The following TUSC3 variants were observed in gnomAD, a reference collection of about 807,000 sequenced individuals.
TUSC3 encodes dolichyl-diphosphooligosaccharide--protein glycosyltransferase subunit TUSC3.
A neutral mutation model predicts 44.8 loss-of-function variants in TUSC3; 45 were observed. The observed-to-expected ratio is 1.00, with a 90% CI of 0.79 to 1.29. The LOEUF (loss-of-function observed/expected upper bound fraction) is 1.29. Among genes scored for constraint, TUSC3 ranks in the 50% most tolerant of loss-of-function variants. The probability of loss-of-function intolerance (pLI) is 0.00; values close to 1 mark genes in which losing one functional copy is unlikely to be tolerated. For synonymous variants in TUSC3, 212 were observed against 152.9 expected (o/e 1.39, Z -2.85); for missense variants, 519 against 437.9 (o/e 1.19, Z -1.65).
intron 1 of TUSC3, among the ~76,000 whole-genome samples, chr8:15,619,775 G>C (rs539203910): frequency 6.6e-6 from 1 of 152,166 alleles, no homozygotes; most frequent in African/African-American, 2.4e-5. Context: ...CTCCCAAAGT[G>C]CTGGGATTAC....
upstream of TUSC3, among the ~76,000 whole-genome samples, chr8:15,535,888 G>C (rs1276973542): frequency 6.6e-6 from 1 of 152,138 alleles, no homozygotes; most frequent in East Asian, 1.9e-4. Context: ...CATCTATCAT[G>C]GTCAAACTTG....
chr8:15,432,670 A>G (rs571429730), intron 1 of TUSC3, among the ~76,000 whole-genome samples: 7 of 152,080 alleles, frequency 4.6e-5, no homozygotes, highest in Admixed American at 2.6e-4. Flanking sequence ...CTGTAGTGCT[A>G]TGGTTATGTC....
chr8:15,619,935 A>T (rs1046053565), intron 1 of TUSC3, among the ~76,000 whole-genome samples: 1 of 152,152 alleles, frequency 6.6e-6, no homozygotes, highest in African/African-American at 2.4e-5. Flanking sequence ...AAATGACTCA[A>T]TTTTGCCAGA....
chr8:15,666,381 C>T (rs988350706), intron 5 of TUSC3, among the ~76,000 whole-genome samples: 19 of 151,512 alleles, frequency 1.3e-4, no homozygotes, highest in African/African-American at 4.1e-4. Context: ...CCTTTTAATA[C>T]TGTGTATTGT....
chr8:15,625,566 C>T (rs1805465875), intron 2 of TUSC3, among the ~76,000 whole-genome samples: 2 of 152,154 alleles, frequency 1.3e-5, no homozygotes, highest in Admixed American at 6.5e-5. Context: ...AACACATGTT[C>T]AAGAGCAAAC....
the TUSC3 span, among the ~76,000 whole-genome samples, chr8:15,838,375 T>C: frequency 6.6e-6 from 1 of 152,280 alleles, no homozygotes; most frequent in African/African-American, 2.4e-5. Context: ...TCTATTTTAA[T>C]AAAGTCATAA....
At chr8:15,719,856 A>G (rs2129203541) in intron 6 of TUSC3, among the ~76,000 whole-genome samples, 1 of 152,238 alleles carries the variant, frequency 6.6e-6, no homozygotes, top group African/African-American at 2.4e-5. Context: ...ATGGAGCCAG[A>G]GATCCAAATC....
At chr8:15,631,734 C>T (rs573427804) in intron 2 of TUSC3, among the ~76,000 whole-genome samples, 4 of 151,092 alleles carry the variant, frequency 2.6e-5, no homozygotes, top group African/African-American at 9.7e-5. Flanking sequence ...AAGACACAGT[C>T]TTGCTGTGTC....
At chr8:15,808,590 C>T in the TUSC3 span, among the ~76,000 whole-genome samples, 1 of 152,142 alleles carries the variant, frequency 6.6e-6, no homozygotes, top group Non-Finnish European at 1.5e-5. Flanking sequence ...GCCATCGTTA[C>T]ATCTTCCACG....
intron 2 of TUSC3, among the ~76,000 whole-genome samples, chr8:15,489,644 G>A (rs1381422958): frequency 1.3e-5 from 2 of 152,218 alleles, no homozygotes; most frequent in East Asian, 3.9e-4. Flanking sequence ...CAGTTACATT[G>A]GAATTTGGTA....
chr8:15,789,979 C>A, the TUSC3 span, among the ~76,000 whole-genome samples: 1 of 152,056 alleles, frequency 6.6e-6, no homozygotes, highest in South Asian at 2.1e-4. Context: ...ACCAGAGCTG[C>A]TCCTTGCAGA....
intron 1 of TUSC3, among the ~76,000 whole-genome samples, chr8:15,441,527 G>C (rs1800020302): frequency 6.6e-6 from 1 of 152,190 alleles, no homozygotes; most frequent in South Asian, 2.1e-4. Context: ...ATAGATACTT[G>C]AATGGAAAGA....
chr8:15,837,859 A>G, the TUSC3 span, among the ~76,000 whole-genome samples: 2 of 152,224 alleles, frequency 1.3e-5, no homozygotes, highest in East Asian at 1.9e-4. Flanking sequence ...CTTGGTTTAG[A>G]AGTTATTTTG....
the TUSC3 span, among the ~76,000 whole-genome samples, chr8:15,829,379 T>C: frequency 6.6e-6 from 1 of 152,222 alleles, no homozygotes; most frequent in East Asian, 1.9e-4. Context: ...AGTGGCTGAA[T>C]GACAGGGGCC....
At chr8:15,808,160 G>C in the TUSC3 span, among the ~76,000 whole-genome samples, 1 of 152,040 alleles carries the variant, frequency 6.6e-6, no homozygotes, top group South Asian at 2.1e-4. Flanking sequence ...ACCAGTATTA[G>C]AAAAGATTTG....
intron 1 of TUSC3, among the ~76,000 whole-genome samples, chr8:15,479,257 T>G (rs1021565456): frequency 6.6e-6 from 1 of 152,216 alleles, no homozygotes; most frequent in African/African-American, 2.4e-5. Flanking sequence ...GATGATAGTT[T>G]CTTTTGCTGT....
chr8:15,435,357 A>G (rs1441949031), intron 1 of TUSC3, among the ~76,000 whole-genome samples: 1 of 152,154 alleles, frequency 6.6e-6, no homozygotes, highest in African/African-American at 2.4e-5. Context: ...ATATGAACAG[A>G]CACTTCTCAA....
chr8:15,522,031 C>G (rs1801306390), intron 2 of TUSC3, among the ~76,000 whole-genome samples: 1 of 152,198 alleles, frequency 6.6e-6, no homozygotes, highest in Non-Finnish European at 1.5e-5. Flanking sequence ...AATATTCCAA[C>G]CTCCCTTGCC....
intron 2 of TUSC3, among the ~76,000 whole-genome samples, chr8:15,534,225 A>G (rs1801490905): frequency 6.6e-6 from 1 of 152,166 alleles, no homozygotes; most frequent in Non-Finnish European, 1.5e-5. Context: ...AGATAAAATA[A>G]TAACTTTTGG....
Sources: allele counts gnomAD v4.1 joint callset (sites outside exome capture counted in the v4.1 genomes callset), GRCh38; gene constraint gnomAD v4.1.1; transcripts MANE v1.5; gene names NCBI Gene and HGNC (gene_info 2026-07-23, HGNC 2026-07-21).